Variants in ZMYM4 observed in about 807,000 individuals in gnomAD.
The protein encoded by ZMYM4 is zinc finger MYM-type protein 4.
A neutral mutation model predicts 183.2 loss-of-function variants in ZMYM4; 31 were observed. The observed-to-expected ratio is 0.17, with a 90% CI of 0.13 to 0.23. The LOEUF is 0.23. ZMYM4 is among the 10% of genes least tolerant of loss of function. The pLI, the probability that ZMYM4 is intolerant of heterozygous loss-of-function variation, is 1.00. For synonymous variants in ZMYM4, 592 were observed against 631.2 expected, an observed-to-expected ratio of 0.94 and a Z score of 0.93; for missense variants, 1,273 against 1,840.3, an observed-to-expected ratio of 0.69 and a Z score of 5.64.
intron 29 of ZMYM4, 129 bp from the exon 30 acceptor site, chr1:35,419,341 A>G: frequency 2.2e-6 from 2 of 920,396 alleles, no homozygotes; most frequent in Non-Finnish European, 3.2e-6. Context: ...AAATAATTGC[A>G]GTTTTTGCCC....
chr1:35,325,638 A>C (rs544955042), intron 2 of ZMYM4, among the ~76,000 whole-genome samples: 1 of 152,172 alleles, frequency 6.6e-6, no homozygotes, highest in African/African-American at 2.4e-5. Flanking sequence ...ATATTAAAAT[A>C]TAGCCATACT....
intron 1 of ZMYM4, among the ~76,000 whole-genome samples, chr1:35,308,705 A>G (rs1641661508): frequency 6.6e-6 from 1 of 152,124 alleles, no homozygotes; most frequent in Non-Finnish European, 1.5e-5. Context: ...TACCAAAAAT[A>G]CAAAAATTAG....
chr1:35,390,287 A>T (rs180950326), intron 15 of ZMYM4, among the ~76,000 whole-genome samples, 189 bp downstream of exon 15: 46 of 152,246 alleles, frequency 3.0e-4, no homozygotes, highest in Admixed American at 8.5e-4. Flanking sequence ...GTGTGAAGAG[A>T]CCACCAAACA....
At position 35,385,469 on chromosome 1, in the gene ZMYM4, C is replaced by A; in HGVS notation, c.1597C>A (p.Leu533Ile). 6.2e-7 allele frequency: 1 copy of A among 1,611,912 alleles called. No homozygotes were observed. The highest frequency in any genetic ancestry group is 8.5e-7 in the Non-Finnish European group (1 of 1,179,482). Residue 533 changes from leucine to isoleucine, a missense_variant, in exon 10 of 30, where the codon CTT (leucine) becomes ATT (isoleucine). By Grantham distance (5) the Leu-to-Ile change is conservative (BLOSUM62 2). Transcript: ENST00000314607. ...ATCAGCCAAAATTACACCGTGTGCGCTTTGCAAATCATTGAGATCCTCAGC... is the reference window on the plus strand; with the variant it reads ...ATCAGCCAAAATTACACCGTGTGCGATTTGCAAATCATTGAGATCCTCAGC... Reference protein sequence around the residue: ...QKSAKITPCALCKSLRSSAEM... With the variant: ...QKSAKITPCAICKSLRSSAEM...
chr1:35,305,247 T>A (rs1022013062), intron 1 of ZMYM4, among the ~76,000 whole-genome samples: 1 of 152,246 alleles, frequency 6.6e-6, no homozygotes, highest in African/African-American at 2.4e-5. Context: ...ATCTTCTGTG[T>A]CTTACTTGTT....
At chr1:35,283,485 C>A (rs151057256) in intron 1 of ZMYM4, among the ~76,000 whole-genome samples, 140 of 151,498 alleles carry the variant, frequency 9.2e-4, no homozygotes, top group South Asian at 4.2e-3. Context: ...CTACAGGCGC[C>A]CACCACCACA....
chr1:35,393,845 T>C lies in ZMYM4; in HGVS notation c.2911+106T>C, dbSNP rs1298294745. Reference sequence around the variant, plus strand: ...TTTCCTAGGTGATGTGTTTGGTTGTTTGTATACATTGCCCAATTTAGTTCT... The same window carrying C: ...TTTCCTAGGTGATGTGTTTGGTTGTCTGTATACATTGCCCAATTTAGTTCT... On this transcript the variant is annotated intron_variant, in intron 18 of 29. Coordinates refer to ENST00000314607, the MANE Select transcript of ZMYM4 (RefSeq NM_005095.3). 3.9e-6 allele frequency: 5 copies of C among 1,281,886 alleles called. No homozygotes were observed. In the South Asian group the frequency reaches 1.0e-4, roughly 26 times the overall value. 79.4% of individuals were successfully genotyped at this position (1,281,886 alleles called of 1,614,324 possible).
rs1643321604 is a variant in ZMYM4, at chr1:35,344,515, C to A, written c.86-14410C>A. Among the ~76,000 whole-genome samples, 3 of 151,822 alleles carry A rather than the reference C, an allele frequency of 2.0e-5. No homozygotes were observed. The South Asian group carries it at 6.2e-4, about 32-fold the overall frequency. On this transcript the variant is annotated intron_variant, in intron 2 of 29. Coordinates refer to ENST00000314607, the MANE Select transcript of ZMYM4 (RefSeq NM_005095.3). ...TGCCCTCTCTCAGATCAAAGACCTT[C>A]TTTTCTCTTTTTAGTTTACTGAAAG...
At chr1:35,286,055 G>GA (rs754319017) in intron 1 of ZMYM4, among the ~76,000 whole-genome samples, 13 of 152,098 alleles carry the variant, frequency 8.5e-5, no homozygotes, top group Non-Finnish European at 1.9e-4. Flanking sequence ...AGTTAAGCAA[G>GA]AAAAAGGAAA....
chr1:35,415,002 C>A (rs1158768153), intron 27 of ZMYM4, among the ~76,000 whole-genome samples: 1 of 152,090 alleles, frequency 6.6e-6, no homozygotes, highest in Non-Finnish European at 1.5e-5. Flanking sequence ...GAGCCCTGAT[C>A]GTGCCACTGC....
intron 1 of ZMYM4, among the ~76,000 whole-genome samples, chr1:35,272,833 C>T (rs944716902): frequency 6.6e-6 from 1 of 152,146 alleles, no homozygotes. Flanking sequence ...CTCAGCCTCC[C>T]GAGTAGCTGG....
chr1:35,280,142 CTCTT>C (rs556382946), intron 1 of ZMYM4, among the ~76,000 whole-genome samples: 32 of 150,904 alleles, frequency 2.1e-4, no homozygotes, highest in South Asian at 1.3e-3. Context: ...CTCTCTCTCT[CTCTT>C]TCTTTCTTCC....
At chr1:35,408,972 T>A (rs1639756143) in intron 26 of ZMYM4, among the ~76,000 whole-genome samples, 2 of 152,226 alleles carry the variant, frequency 1.3e-5, no homozygotes, top group South Asian at 4.1e-4. Flanking sequence ...ACCATAAATC[T>A]GCTTTCTGTC....
chr1:35,409,639 G>A (rs562423516), intron 26 of ZMYM4, among the ~76,000 whole-genome samples: 3 of 152,084 alleles, frequency 2.0e-5, no homozygotes, highest in Non-Finnish European at 4.4e-5. Flanking sequence ...CTGAGGCTGG[G>A]TAATTTATAA....
intron 1 of ZMYM4, among the ~76,000 whole-genome samples, chr1:35,274,681 C>T (rs932361263): frequency 4.7e-5 from 7 of 150,328 alleles, no homozygotes; most frequent in South Asian, 4.2e-4. Context: ...TGTTTTCACA[C>T]GCTGGTTCTT....
chr1:35,277,783 T>C (rs1396064731), intron 1 of ZMYM4, among the ~76,000 whole-genome samples: 2 of 152,122 alleles, frequency 1.3e-5, no homozygotes, highest in Admixed American at 6.6e-5. Flanking sequence ...ATCAGTAATT[T>C]TCAGAAAAAT....
chr1:35,405,267 A>G, intron 24 of ZMYM4, 73 bp downstream of exon 24: 1 of 1,581,658 alleles, frequency 6.3e-7, no homozygotes, highest in South Asian at 1.2e-5. Context: ...GAAAAGGGAT[A>G]CATTTTAGGT....
chr1:35,320,533 A>G (rs775585456), intron 1 of ZMYM4, among the ~76,000 whole-genome samples: 10 of 152,072 alleles, frequency 6.6e-5, no homozygotes, highest in Non-Finnish European at 1.5e-4. Context: ...GCTTTAGCAA[A>G]TTAATTGAAC....
intron 1 of ZMYM4, among the ~76,000 whole-genome samples, chr1:35,293,105 A>AC (rs1640841894): frequency 6.6e-6 from 1 of 151,142 alleles, no homozygotes; most frequent in Non-Finnish European, 1.5e-5. Context: ...GGCTCAAGCA[A>AC]CCCTCCCACC....
Sources: gnomAD v4.1 joint callset for allele counts (sites outside exome capture counted in the v4.1 genomes callset) on GRCh38, gnomAD v4.1.1 for gene constraint, MANE v1.5 for transcripts, NCBI Gene and HGNC (gene_info 2026-07-23, HGNC 2026-07-21) for gene names.